Variants in LRRC37A observed in about 807,000 individuals in gnomAD.
LRRC37A encodes the protein leucine rich repeat containing 37A.
Under a neutral mutation model 35.4 loss-of-function variants are expected in LRRC37A, and 3 were observed. The ratio of observed to expected loss-of-function variants is 0.08; its 90% CI spans 0.04 to 0.22. LRRC37A has a LOEUF of 0.22. Among genes scored for constraint, LRRC37A ranks in the 10% least tolerant of loss-of-function variants. The pLI is 1.00. For synonymous variants in LRRC37A, 23 were observed against 215.0 expected (o/e 0.11, Z 7.81); for missense variants, 67 against 565.3 (o/e 0.12, Z 8.94).
chr17:46,252,299 G>A, the LRRC37A span, among the ~76,000 whole-genome samples: 3 of 151,428 alleles, frequency 2.0e-5, no homozygotes, highest in Non-Finnish European at 4.4e-5. Context: ...CCACTTCCTG[G>A]GCTTAAGTGA....
the LRRC37A span, among the ~76,000 whole-genome samples, chr17:46,280,390 C>A: frequency 6.6e-6 from 1 of 152,044 alleles, no homozygotes; most frequent in Non-Finnish European, 1.5e-5. Context: ...AGAAAAATTT[C>A]TAGCCCAGTG....
At chr17:46,252,385 T>A in the LRRC37A span, among the ~76,000 whole-genome samples, 3 of 145,696 alleles carry the variant, frequency 2.1e-5, no homozygotes, top group Non-Finnish European at 4.7e-5. Context: ...TTCTTTTTTT[T>A]TTTTTTTAAT....
At chr17:46,268,659 C>G in the LRRC37A span, 1 of 1,536,958 alleles carries the variant, frequency 6.5e-7, no homozygotes, top group Non-Finnish European at 8.8e-7. Context: ...AAGGGAAGGG[C>G]AAATTCAAGG....
At chr17:46,257,134 G>A in the LRRC37A span, among the ~76,000 whole-genome samples, 2 of 151,940 alleles carry the variant, frequency 1.3e-5, no homozygotes, top group African/African-American at 2.4e-5. Context: ...TCTCAACCTC[G>A]TACTTATGTT....
chr17:46,276,415 G>T, the LRRC37A span, among the ~76,000 whole-genome samples: 6 of 152,158 alleles, frequency 3.9e-5, no homozygotes, highest in East Asian at 1.2e-3. Context: ...CTGACTTTTT[G>T]GGGGGCAATT....
intron 1 of LRRC37A, among the ~76,000 whole-genome samples, chr17:46,298,709 GC>G (rs2050242630): frequency 9.8e-6 from 1 of 102,302 alleles, no homozygotes; most frequent in Non-Finnish European, 2.1e-5. Context: ...GGGCGACAGA[GC>G]AAGACTCCAT....
intron 7 of LRRC37A, among the ~76,000 whole-genome samples, chr17:46,324,854 T>A (rs1323795966): frequency 9.4e-5 from 7 of 74,624 alleles, no homozygotes; most frequent in African/African-American, 2.0e-4. Flanking sequence ...ATATATATAT[T>A]TATATATATG....
the LRRC37A span, among the ~76,000 whole-genome samples, chr17:46,270,143 G>A: frequency 6.6e-6 from 1 of 152,188 alleles, no homozygotes; most frequent in Non-Finnish European, 1.5e-5. Flanking sequence ...AGAGACAGGG[G>A]AAGGAATTTC....
the LRRC37A span, among the ~76,000 whole-genome samples, chr17:46,278,633 A>G: frequency 6.6e-6 from 1 of 151,466 alleles, no homozygotes; most frequent in African/African-American, 2.4e-5. Context: ...CAAACTCCTG[A>G]CCTCGTGATA....
the LRRC37A span, among the ~76,000 whole-genome samples, chr17:46,248,143 G>T: frequency 6.6e-6 from 1 of 151,894 alleles, no homozygotes; most frequent in Non-Finnish European, 1.5e-5. Context: ...CATGATGACC[G>T]TTGAACTGGA....
upstream of LRRC37A, among the ~76,000 whole-genome samples, chr17:46,291,464 G>C (rs28499078): frequency 7.9e-3 from 1,201 of 151,786 alleles, 21 homozygotes; most frequent in African/African-American, 0.027. Context: ...CGGGGGTAAG[G>C]GAGGCTAACA....
At chr17:46,263,047 T>C in the LRRC37A span, among the ~76,000 whole-genome samples, 1 of 151,956 alleles carries the variant, frequency 6.6e-6, no homozygotes, top group Non-Finnish European at 1.5e-5. Context: ...ACCCCATCTC[T>C]ACAGAAAATA....
At chr17:46,292,160 C>T (rs1407283778), upstream of LRRC37A, among the ~76,000 whole-genome samples, 5 of 109,394 alleles carry the variant, frequency 4.6e-5, no homozygotes, top group South Asian at 3.5e-4. Flanking sequence ...GGTGAAACCC[C>T]GTCTCTACTA....
At chr17:46,270,043 T>G in the LRRC37A span, among the ~76,000 whole-genome samples, 1 of 152,220 alleles carries the variant, frequency 6.6e-6, no homozygotes, top group African/African-American at 2.4e-5. Flanking sequence ...ATGAGAGTAT[T>G]TTTTCAGAAG....
intron 1 of LRRC37A, among the ~76,000 whole-genome samples, chr17:46,298,696 C>T (rs2143533194): frequency 9.5e-6 from 1 of 105,008 alleles, no homozygotes; most frequent in South Asian, 3.8e-4. Context: ...TGCACTCCAG[C>T]CTGGGCGACA....
At chr17:46,319,212 A>ATTTTTTTT (rs1225879085) in intron 5 of LRRC37A, among the ~76,000 whole-genome samples, 1 of 1,640 alleles carries the variant, frequency 6.1e-4, no homozygotes, top group Admixed American at 4.3e-3. Context: ...ATTGTGGTCA[A>ATTTTTTTT]TTTTTTTTTT....
chr17:46,260,177 G>C, the LRRC37A span: 1 of 1,476,676 alleles, frequency 6.8e-7, no homozygotes, highest in Non-Finnish European at 9.0e-7. Context: ...GTGCGGGTCA[G>C]ATTCGGCGGC....
chr17:46,277,505 T>C, the LRRC37A span, among the ~76,000 whole-genome samples: 1 of 152,180 alleles, frequency 6.6e-6, no homozygotes, highest in Non-Finnish European at 1.5e-5. Flanking sequence ...CATGTACAAA[T>C]CAAAAAGCAT....
chr17:46,287,884 A>C (rs1033599348), upstream of LRRC37A, among the ~76,000 whole-genome samples: 2 of 152,270 alleles, frequency 1.3e-5, no homozygotes, highest in African/African-American at 4.8e-5. Flanking sequence ...TGACAAAAGA[A>C]AAAGTAAATG....
Sources: allele counts gnomAD v4.1 joint callset (sites outside exome capture counted in the v4.1 genomes callset), GRCh38; gene constraint gnomAD v4.1.1; transcripts MANE v1.5; gene names NCBI Gene and HGNC (gene_info 2026-07-23, HGNC 2026-07-21).